Variants in PPARGC1A observed in about 807,000 individuals in gnomAD.
PPARGC1A encodes PPARG coactivator 1 alpha, also known as peroxisome proliferator-activated receptor gamma coactivator 1-alpha.
Under a neutral mutation model 88.7 loss-of-function variants are expected in PPARGC1A, and 25 were observed. That is an observed-to-expected ratio of 0.28 (90% CI 0.21 to 0.39). PPARGC1A has a LOEUF of 0.39. PPARGC1A is among the 10% of genes least tolerant of loss of function. The pLI is 1.00. For synonymous variants in PPARGC1A, 363 were observed against 355.6 expected, an observed-to-expected ratio of 1.02 and a Z score of -0.24; for missense variants, 880 against 968.7, an observed-to-expected ratio of 0.91 and a Z score of 1.22.
At chr4:24,323,708 G>A in the PPARGC1A span, among the ~76,000 whole-genome samples, 2 of 152,194 alleles carry the variant, frequency 1.3e-5, no homozygotes, top group African/African-American at 2.4e-5. Flanking sequence ...TCACACGGAC[G>A]TGCATGAAGT....
At chr4:23,819,938 A>G (rs775430153) in intron 7 of PPARGC1A, among the ~76,000 whole-genome samples, 1 of 152,128 alleles carries the variant, frequency 6.6e-6, no homozygotes, top group Non-Finnish European at 1.5e-5. Flanking sequence ...CACTTTCCCA[A>G]AGATATGTCA....
the PPARGC1A span, among the ~76,000 whole-genome samples, chr4:24,271,905 G>GTATTGTTATTGTTAT: frequency 2.0e-5 from 3 of 151,990 alleles, no homozygotes; most frequent in Non-Finnish European, 2.9e-5. Flanking sequence ...TACATGTATG[G>GTATTGTTATTGTTAT]TATACATACT....
At chr4:23,965,054 C>A in the PPARGC1A span, among the ~76,000 whole-genome samples, 1 of 152,118 alleles carries the variant, frequency 6.6e-6, no homozygotes. Flanking sequence ...TCATTGGGAC[C>A]ATCCTTCCCC....
chr4:23,838,540 A>T (rs1264392995), intron 2 of PPARGC1A, among the ~76,000 whole-genome samples: 2 of 152,196 alleles, frequency 1.3e-5, no homozygotes, highest in African/African-American at 4.8e-5. Flanking sequence ...ATACCACCTT[A>T]CATTTCGTAA....
chr4:24,356,942 A>G, the PPARGC1A span, among the ~76,000 whole-genome samples: 7 of 152,130 alleles, frequency 4.6e-5, no homozygotes, highest in Non-Finnish European at 7.4e-5. Context: ...AAGCTAAGAC[A>G]CTCTCTGCTT....
the PPARGC1A span, among the ~76,000 whole-genome samples, chr4:24,204,406 C>T: frequency 6.8e-6 from 1 of 147,984 alleles, no homozygotes; most frequent in Non-Finnish European, 1.5e-5. Flanking sequence ...ATAGTACCTG[C>T]ATAATAAGTA....
the PPARGC1A span, among the ~76,000 whole-genome samples, chr4:24,373,631 G>A: frequency 2.0e-5 from 3 of 152,148 alleles, no homozygotes; most frequent in African/African-American, 2.4e-5. Flanking sequence ...ATTTATAAAC[G>A]AGAGACAAGG....
At chr4:24,139,927 C>T in the PPARGC1A span, among the ~76,000 whole-genome samples, 48 of 152,132 alleles carry the variant, frequency 3.2e-4, no homozygotes, top group African/African-American at 1.1e-3. Flanking sequence ...GAAAGAAGTT[C>T]GTCTGAAAAC....
the PPARGC1A span, among the ~76,000 whole-genome samples, chr4:24,288,315 G>C: frequency 3.9e-5 from 6 of 152,144 alleles, no homozygotes; most frequent in Admixed American, 3.9e-4. Context: ...TTGAACACAT[G>C]GTCCTAGGGA....
chr4:24,049,140 A>ATGTG, the PPARGC1A span, among the ~76,000 whole-genome samples: 4 of 149,654 alleles, frequency 2.7e-5, no homozygotes, highest in East Asian at 7.8e-4. Context: ...GTGTGTGCGT[A>ATGTG]TGTGTGTGTG....
the PPARGC1A span, among the ~76,000 whole-genome samples, chr4:24,223,054 T>C: frequency 1.3e-5 from 2 of 152,180 alleles, no homozygotes; most frequent in African/African-American, 4.8e-5. Context: ...TAAAATGTTT[T>C]GACCCTTTTG....
chr4:23,841,350 C>A (rs562864674), intron 2 of PPARGC1A, among the ~76,000 whole-genome samples: 2 of 152,192 alleles, frequency 1.3e-5, no homozygotes, highest in African/African-American at 4.8e-5. Flanking sequence ...ATATATTAAT[C>A]TTATCCAGAA....
the PPARGC1A span, among the ~76,000 whole-genome samples, chr4:24,298,564 G>A: frequency 2.2e-3 from 338 of 152,206 alleles, no homozygotes; most frequent in African/African-American, 6.7e-3. Context: ...TTACTGCAGC[G>A]TAACCTACTC....
At chr4:24,060,141 T>C in the PPARGC1A span, among the ~76,000 whole-genome samples, 1 of 152,166 alleles carries the variant, frequency 6.6e-6, no homozygotes, top group Non-Finnish European at 1.5e-5. Flanking sequence ...AAGATGTGAA[T>C]AAAGATTGAA....
the PPARGC1A span, among the ~76,000 whole-genome samples, chr4:24,422,106 A>G: frequency 6.6e-6 from 1 of 152,242 alleles, no homozygotes; most frequent in Non-Finnish European, 1.5e-5. Context: ...AATCCGGCCC[A>G]CTGTCTGTTT....
the PPARGC1A span, among the ~76,000 whole-genome samples, chr4:24,360,742 G>C: frequency 5.7e-3 from 870 of 152,292 alleles, 20 homozygotes; most frequent in African/African-American, 0.02. Flanking sequence ...ATCTCTAAAA[G>C]GGGAATAGGA....
the PPARGC1A span, among the ~76,000 whole-genome samples, chr4:24,068,413 C>T: frequency 6.6e-6 from 1 of 152,112 alleles, no homozygotes; most frequent in Non-Finnish European, 1.5e-5. Flanking sequence ...CACTGAGCAC[C>T]TACTATACCC....
chr4:24,227,418 T>G, the PPARGC1A span, among the ~76,000 whole-genome samples: 1 of 152,148 alleles, frequency 6.6e-6, no homozygotes, highest in Non-Finnish European at 1.5e-5. Context: ...ATTCTCTATG[T>G]CTTAGGGGAC....
At chr4:23,889,160 A>C in intron 1 of PPARGC1A, 4 of 985,372 alleles carry the variant, frequency 4.1e-6, no homozygotes, top group Non-Finnish European at 4.8e-6. Flanking sequence ...ACTAGCAGCG[A>C]GCAGCTCCAC....
Sources: allele counts gnomAD v4.1 joint callset (sites outside exome capture counted in the v4.1 genomes callset), GRCh38; gene constraint gnomAD v4.1.1; transcripts MANE v1.5; gene names NCBI Gene and HGNC (gene_info 2026-07-23, HGNC 2026-07-21).